SOX6: variants seen among roughly 807,000 people sequenced by gnomAD.
SOX6 encodes the protein transcription factor SOX-6.
Under a neutral mutation model 97.8 loss-of-function variants are expected in SOX6, and 11 were observed. The ratio of observed to expected loss-of-function variants is 0.11; its 90% confidence interval spans 0.07 to 0.19. The LOEUF (loss-of-function observed/expected upper bound fraction) is 0.19. SOX6 is among the 10% of genes least tolerant of loss of function. The pLI is 1.00. For missense variants in SOX6, 810 were observed against 1,039.5 expected, an observed-to-expected ratio of 0.78 and a Z score of 3.04; for synonymous variants, 360 against 371.4, an observed-to-expected ratio of 0.97 and a Z score of 0.35.
chr11:16,259,975 A>G (rs77504833), intron 3 of SOX6, among the ~76,000 whole-genome samples: 2,001 of 96,986 alleles, frequency 0.021, 26 homozygotes, highest in South Asian at 0.11. Context: ...GTGTGTGTGT[A>G]TATATACACA....
chr11:16,460,588 C>A (rs1196389670), intron 1 of SOX6, among the ~76,000 whole-genome samples: 1 of 151,962 alleles, frequency 6.6e-6, no homozygotes, highest in Non-Finnish European at 1.5e-5. Flanking sequence ...TGTTCTCCTG[C>A]ACTATTTCCT....
Position 16,055,771 on chromosome 11 carries a change from C to T in SOX6, c.1232G>A (p.Ser411Asn), listed in dbSNP as rs1847798875. Reference sequence around the variant, plus strand: ...GTGTACCTTAACTTGAGTTACAGGGCTGGTCCCTCTCTTTTCATTTTTTAT... The same window carrying T: ...GTGTACCTTAACTTGAGTTACAGGGTTGGTCCCTCTCTTTTCATTTTTTAT... ...TGIKNEKRGT[S>N]PVTQVKDEAA... Residue 411 changes from serine to asparagine, a missense_variant, in exon 10 of 16, where the codon AGC (serine) becomes AAC (asparagine). Around this residue, in one of 9 missense-constraint regions of SOX6, gnomAD observed 244 missense variants for 261.0 expected, o/e 0.93. Coordinates refer to ENST00000683767, the MANE Select transcript of SOX6 (RefSeq NM_001367873.1). 6.2e-7 allele frequency: 1 copy of T among 1,613,604 alleles called. No homozygotes were observed. The highest frequency in any genetic ancestry group is 2.2e-5 in the East Asian group (1 of 44,848).
At chr11:16,532,636 G>A (rs1186458761) in intron 4 of SOX6, among the ~76,000 whole-genome samples, 2 of 151,814 alleles carry the variant, frequency 1.3e-5, no homozygotes, top group South Asian at 4.1e-4. Context: ...GTAATTGAAG[G>A]AAAATACTTT....
rs577462403 is a variant in SOX6 at position 16,327,354 on chromosome 11, T to C, written c.238-8701A>G. On this transcript the variant is annotated intron_variant, in intron 2 of 15. Coordinates refer to ENST00000683767, the MANE Select transcript of SOX6 (RefSeq NM_001367873.1). ...GTCCTTTGTCCAATTGCCCTTTTTT[T>C]CTATTTTCAATTCTGAAAATACAGT... 3.3e-5 allele frequency among the ~76,000 whole-genome samples: 5 copies of C among 152,308 alleles called. 1 individual carries two copies. In the South Asian group the frequency reaches 1.0e-3, roughly 32 times the overall value.
At chr11:16,355,281 T>G (rs1683528774) in intron 1 of SOX6, among the ~76,000 whole-genome samples, 2 of 152,012 alleles carry the variant, frequency 1.3e-5, no homozygotes, top group South Asian at 4.1e-4. Context: ...AATTAATATT[T>G]TGAACTTTGA....
intron 13 of SOX6, among the ~76,000 whole-genome samples, chr11:15,995,340 A>G (rs1441261881): frequency 6.6e-6 from 1 of 152,162 alleles, no homozygotes; most frequent in East Asian, 1.9e-4. Context: ...GACTAAAAAC[A>G]AAATTAAAAA....
At chr11:16,418,410 T>C (rs1002799212) in intron 1 of SOX6, among the ~76,000 whole-genome samples, 2 of 152,178 alleles carry the variant, frequency 1.3e-5, no homozygotes, top group Admixed American at 6.6e-5. Context: ...AACATGGGAC[T>C]GGTACTCAGA....
intron 4 of SOX6, among the ~76,000 whole-genome samples, chr11:16,592,532 CA>C (rs916561383): frequency 1.3e-5 from 2 of 151,846 alleles, no homozygotes; most frequent in Non-Finnish European, 2.9e-5. Context: ...ATTAAATAGA[CA>C]GCTCATTTGG....
At chr11:16,254,942 T>C (rs1472065900) in intron 3 of SOX6, among the ~76,000 whole-genome samples, 1 of 151,990 alleles carries the variant, frequency 6.6e-6, no homozygotes. Context: ...AGATATACCA[T>C]GCTAACATAT....
intron 1 of SOX6, among the ~76,000 whole-genome samples, chr11:16,410,076 C>T (rs903100705): frequency 1.3e-5 from 2 of 152,018 alleles, no homozygotes; most frequent in Admixed American, 6.6e-5. Context: ...AGGAGGAACA[C>T]ATGGTAAGTA....
intron 2 of SOX6, among the ~76,000 whole-genome samples, chr11:16,321,624 T>G (rs574945562): frequency 6.6e-6 from 1 of 152,066 alleles, no homozygotes; most frequent in Non-Finnish European, 1.5e-5. Context: ...GGTTCCTTAT[T>G]GCAGTGATGA....
At chr11:16,025,452 C>T (rs940335506) in intron 12 of SOX6, among the ~76,000 whole-genome samples, 14 of 152,132 alleles carry the variant, frequency 9.2e-5, no homozygotes, top group African/African-American at 3.4e-4. Context: ...TAACATGTAC[C>T]ATATGAACAA....
chr11:16,254,939 C>A (rs936444737), intron 3 of SOX6, among the ~76,000 whole-genome samples: 1 of 151,712 alleles, frequency 6.6e-6, no homozygotes, highest in African/African-American at 2.4e-5. Context: ...GAAAGATATA[C>A]CATGCTAACA....
intron 1 of SOX6, among the ~76,000 whole-genome samples, chr11:16,380,301 T>C (rs545526374): frequency 3.9e-5 from 6 of 152,104 alleles, no homozygotes; most frequent in Non-Finnish European, 7.4e-5. Context: ...TAAGATCCCA[T>C]CTTTCCTTTA....
intron 9 of SOX6, among the ~76,000 whole-genome samples, chr11:16,081,727 CA>C (rs2133956048): frequency 6.6e-6 from 1 of 152,248 alleles, no homozygotes; most frequent in African/African-American, 2.4e-5. Flanking sequence ...AATCATAAGA[CA>C]AAAGTGTCTA....
At chr11:16,196,830 C>CTTTT (rs34023402) in intron 4 of SOX6, among the ~76,000 whole-genome samples, 3 of 63,518 alleles carry the variant, frequency 4.7e-5, no homozygotes, top group African/African-American at 1.6e-4. Flanking sequence ...TCTTCTTCTT[C>CTTTT]TTTTTTTTTT....
At chr11:16,259,023 G>C (rs1023129718) in intron 3 of SOX6, among the ~76,000 whole-genome samples, 2 of 151,436 alleles carry the variant, frequency 1.3e-5, no homozygotes, top group African/African-American at 4.8e-5. Context: ...ACATGTAAAG[G>C]AGAAAAGAAA....
chr11:16,700,340 A>G (rs923423725), intron 3 of SOX6, among the ~76,000 whole-genome samples: 13 of 152,246 alleles, frequency 8.5e-5, no homozygotes, highest in African/African-American at 3.1e-4. Flanking sequence ...CCTGGACTGG[A>G]GAGAAGGAAA....
At chr11:16,175,502 C>A (rs569378763) in intron 6 of SOX6, among the ~76,000 whole-genome samples, 2 of 151,838 alleles carry the variant, frequency 1.3e-5, no homozygotes, top group Non-Finnish European at 2.9e-5. Flanking sequence ...TCTCCAATAC[C>A]TGCACTGGTT....
Sources: allele counts gnomAD v4.1 joint callset (sites outside exome capture counted in the v4.1 genomes callset), GRCh38; gene constraint gnomAD v4.1.1; regional missense constraint gnomAD v4.1.1; transcripts MANE v1.5; gene names NCBI Gene and HGNC (gene_info 2026-07-23, HGNC 2026-07-21).